Variants in INSYN1 observed in about 807,000 individuals in gnomAD.
The protein encoded by INSYN1 is inhibitory synaptic factor 1.
Under a neutral mutation model 17.1 loss-of-function variants are expected in INSYN1, and 7 were observed. The ratio of observed to expected loss-of-function variants is 0.41; its 90% CI spans 0.23 to 0.77. The LOEUF is 0.77. Among genes scored for constraint, INSYN1 ranks in the 30% least tolerant of loss-of-function variants. The pLI is 0.32. For synonymous variants in INSYN1, 174 were observed against 166.3 expected (o/e 1.05, Z -0.36); for missense variants, 339 against 400.6 (o/e 0.85, Z 1.31).
rs1008772958 is a variant in INSYN1, at chr15:73,737,825, G to A, written c.*2092C>T. ...CTCAGGCCCCCTCCGGACAGACGCT[G>A]GGGGGCTGTAAACCTGCCTTAATTG... On this transcript the variant is annotated 3_prime_UTR_variant, in exon 3 of 3. Coordinates refer to ENST00000569673, the MANE Select transcript of INSYN1 (RefSeq NM_001039614.3). 2.0e-5 allele frequency: 3 copies of A among 152,248 alleles called. No homozygotes were observed. Among genetic ancestry groups the A allele is most frequent in the African/African-American group, 7.2e-5 (3 of 41,458 alleles). The allele number at this position is 152,248 out of a possible 1,614,324, so 9.4% of individuals were successfully genotyped here.
In INSYN1 at chr15:73,735,472, A is replaced by ATTTGGG. The variant is rs1901498392; in HGVS notation, c.*4444_*4445insCCCAAA. Reference sequence around the variant, plus strand: ...GGGCTCGTTTATTCATTCAACAAACATTTATTGAACCCATAATCCATTTGG... The same window carrying ATTTGGG: ...GGGCTCGTTTATTCATTCAACAAACATTTGGGTTTATTGAACCCATAATCCATTTGG... On this transcript the variant is annotated 3_prime_UTR_variant, in exon 3 of 3. Transcript: ENST00000569673. The ATTTGGG allele has an allele frequency of 3.3e-5, 5 of 152,342 alleles. No homozygotes were observed. Among genetic ancestry groups the ATTTGGG allele is most frequent in the Admixed American group, 2.6e-4 (4 of 15,304 alleles). 9.4% of individuals were successfully genotyped at this position (152,342 alleles called of 1,614,324 possible).
At chr15:73,743,704 C>A (rs1901744976) in intron 2 of INSYN1, among the ~76,000 whole-genome samples, 1 of 150,956 alleles carries the variant, frequency 6.6e-6, no homozygotes. Context: ...GTGGTGCGTG[C>A]ATAGAGTCCC....
intron 2 of INSYN1, among the ~76,000 whole-genome samples, chr15:73,746,644 C>T (rs1054219135): frequency 6.6e-5 from 10 of 152,174 alleles, no homozygotes; most frequent in African/African-American, 1.4e-4. Flanking sequence ...TTGTGCCAAC[C>T]CCTCCATCTT....
rs372405493 is a variant in INSYN1 at position 73,736,075 on chromosome 15, C to G, written c.*3842G>C. ...GAAGCAGAGAGATCTGATGGAACATCCTGGGTAAAGAAACTCAAAAACTGG... is the reference window on the plus strand; with the variant it reads ...GAAGCAGAGAGATCTGATGGAACATGCTGGGTAAAGAAACTCAAAAACTGG... On this transcript the variant is annotated 3_prime_UTR_variant, in exon 3 of 3. Transcript: ENST00000569673. 5 of 152,500 alleles carry G rather than the reference C, an allele frequency of 3.3e-5. No individual in the cohort carries two copies. Among genetic ancestry groups the G allele is most frequent in the East Asian group, 1.9e-4 (1 of 5,190 alleles). The allele number at this position is 152,500 out of a possible 1,614,324, so 9.4% of individuals were successfully genotyped here.
chr15:73,737,881 G>C lies in INSYN1; in HGVS notation c.*2036C>G, dbSNP rs7174764. 10,720 of 152,322 alleles carry C rather than the reference G, an allele frequency of 0.07. 424 individuals carry two copies. The highest frequency in any genetic ancestry group is 0.1 in the East Asian group (525 of 5,184). The allele number at this position is 152,322 out of a possible 1,614,324, so 9.4% of individuals were successfully genotyped here. A position where few individuals can be genotyped will look rare whatever the true frequency, so the allele number is the denominator to read the frequency against. The stretch of plus-strand genomic sequence containing the variant: ...TGCAACAGGGAGGCCCCCAAGGAGC[G>C]ATGTCTTTGCTGTGCTGCCAGTCCC... On this transcript the variant is annotated 3_prime_UTR_variant, in exon 3 of 3. Coordinates refer to ENST00000569673, the MANE Select transcript of INSYN1 (RefSeq NM_001039614.3).
intron 2 of INSYN1, among the ~76,000 whole-genome samples, chr15:73,749,631 G>A (rs1291222547): frequency 1.3e-5 from 2 of 152,192 alleles, no homozygotes; most frequent in Non-Finnish European, 2.9e-5. Flanking sequence ...GTTTGGAGGA[G>A]GAAGCGTTCC....
rs1308421023 is a variant in INSYN1, at chr15:73,752,920, G to T, written c.-1378C>A. On this transcript the variant is annotated 5_prime_UTR_variant, in exon 1 of 3. Transcript: ENST00000569673. The surrounding 1 kb of genome is among the most constrained non-coding windows in gnomAD (Gnocchi z 5.2). ...GGGAGCAGCGCCGGGCGGAGGAGAG[G>T]AGAGGAGGCGAGAAGAGGCGAGGGG... Among the ~76,000 whole-genome samples, 1 of 149,690 alleles carries T rather than the reference G, an allele frequency of 6.7e-6. No individual in the cohort carries two copies. Among genetic ancestry groups the T allele is most frequent in the South Asian group, 2.1e-4 (1 of 4,776 alleles).
At position 73,751,373 on chromosome 15, in the gene INSYN1, C is replaced by T. The variant is rs1901980084; in HGVS notation, c.-243G>A. 3 of 537,540 alleles carry T rather than the reference C, an allele frequency of 5.6e-6. No homozygotes were observed. In the East Asian group the frequency reaches 9.8e-5, roughly 18 times the overall value. 33.3% of individuals were successfully genotyped at this position (537,540 alleles called of 1,614,324 possible). On this transcript the variant is annotated 5_prime_UTR_variant, in exon 2 of 3. Coordinates refer to ENST00000569673, the MANE Select transcript of INSYN1 (RefSeq NM_001039614.3). The stretch of plus-strand genomic sequence containing the variant: ...CTAGCAGAGGGGGTCAAGGTGAGGA[C>T]ACAGGAGAGGAGGGGGAGGGACCTT...
In INSYN1 at chr15:73,735,469, A is replaced by G. The variant is rs572947014; in HGVS notation, c.*4448T>C. 4.6e-5 allele frequency: 7 copies of G among 152,362 alleles called. No homozygotes were observed. The highest frequency in any genetic ancestry group is 1.7e-4 in the African/African-American group (7 of 41,590). The allele number at this position is 152,362 out of a possible 1,614,324, so 9.4% of individuals were successfully genotyped here. A position where few individuals can be genotyped will look rare whatever the true frequency, so the allele number is the denominator to read the frequency against. ...ATGGGGCTCGTTTATTCATTCAACA[A>G]ACATTTATTGAACCCATAATCCATT... On this transcript the variant is annotated 3_prime_UTR_variant, in exon 3 of 3. Transcript: ENST00000569673.
In INSYN1 at chr15:73,751,105, A is replaced by G; in HGVS notation, c.26T>C (p.Leu9Pro). 1.2e-6 allele frequency: 2 copies of G among 1,613,838 alleles called. No homozygotes were observed. Among genetic ancestry groups the G allele is most frequent in the Non-Finnish European group, 1.7e-6 (2 of 1,179,984 alleles). ...GCTGGGGTCGTCACTGGGCTGCCCG[A>G]GGTCCGGGGCGCCCCGAATGTTCAT... MNIRGAPD[L>P]GQPSDDPSSG... The change falls in exon 2 of 3, where the codon CTC becomes CCC. Residue 9 changes from leucine to proline, a missense_variant. Leu to Pro is a moderately conservative substitution (Grantham distance 98). Transcript: ENST00000569673.
rs180907808 is a variant in INSYN1, at chr15:73,739,865, A to T, written c.*52T>A. The T allele has an allele frequency of 0.013, 4,238 of 328,690 alleles. 114 individuals are homozygous for T. The highest frequency in any genetic ancestry group is 0.03 in the Middle Eastern group (26 of 866). The allele number at this position is 328,690 out of a possible 1,614,324, so 20.4% of individuals were successfully genotyped here. A position where few individuals can be genotyped will look rare whatever the true frequency, so the allele number is the denominator to read the frequency against. On this transcript the variant is annotated 3_prime_UTR_variant, in exon 3 of 3. Transcript: ENST00000569673. ...TATATATATATATATATATATATAT[A>T]TATTTATTTATAGCTCTATGTGCCC... is the stretch of plus-strand genomic sequence containing the variant.
chr15:73,740,171 C>T lies in INSYN1; in HGVS notation c.628G>A (p.Val210Met), dbSNP rs1356127982. The change falls in exon 3 of 3, where the codon GTG (valine) becomes ATG (methionine). Residue 210 changes from valine to methionine, a missense_variant. Transcript: ENST00000569673. ...GGCAAGCCCACTTCTTCCTCCTCCA[C>T]CTCCTGCTCACCGTCCCCCTCCTCA... The part of the protein sequence containing the change: ...DDEEGDGEQE[V>M]EEEEVGLPPE... 2 of 1,614,090 alleles carry T rather than the reference C, an allele frequency of 1.2e-6. No homozygotes were observed. Among genetic ancestry groups the T allele is most frequent in the Admixed American group, 3.3e-5 (2 of 60,020 alleles).
Position 73,753,267 on chromosome 15 carries a change from T to C in INSYN1, c.-1725A>G, listed in dbSNP as rs1252442088. On this transcript the variant is annotated 5_prime_UTR_variant, in exon 1 of 3. Transcript: ENST00000569673. The surrounding 1 kb of genome is among the most constrained non-coding windows in gnomAD (Gnocchi z 4.2). Reference sequence around the variant, plus strand: ...CCCGCCCCGCCGCCCCCCGCCGGACTGGCCGCCCGGGCGGGCGCTGGCTCC... The same window carrying C: ...CCCGCCCCGCCGCCCCCCGCCGGACCGGCCGCCCGGGCGGGCGCTGGCTCC... Among the ~76,000 whole-genome samples, 2 of 146,862 alleles carry C rather than the reference T, an allele frequency of 1.4e-5. No individual in the cohort carries two copies. The highest frequency in any genetic ancestry group is 3.0e-5 in the Non-Finnish European group (2 of 66,374).
At chr15:73,745,810 A>AAAAACAAAACAAAACAAAACAAAAC (rs10623860) in intron 2 of INSYN1, among the ~76,000 whole-genome samples, 9,498 of 149,770 alleles carry the variant, frequency 0.063, 425 homozygotes, top group Middle Eastern at 0.12. Context: ...CTCCGTCTCA[A>AAAAACAAAACAAAACAAAACAAAAC]AAAACAAAAC....
chr15:73,749,313 G>C (rs1437273582), intron 2 of INSYN1, among the ~76,000 whole-genome samples: 1 of 152,144 alleles, frequency 6.6e-6, no homozygotes, highest in Admixed American at 6.5e-5. Flanking sequence ...TGCTCTCTGG[G>C]CCTCAGTTTC....
rs184710574 is a variant in INSYN1, at chr15:73,737,532, G to A, written c.*2385C>T. On this transcript the variant is annotated 3_prime_UTR_variant, in exon 3 of 3. Transcript: ENST00000569673. ...GCTCAGACCCTTGGTTCTCAGACGT[G>A]AGCTGGGAAGAGCTGGCCATGGCCT... 1 of 152,276 alleles carries A rather than the reference G, an allele frequency of 6.6e-6. No individual in the cohort carries two copies. Among genetic ancestry groups the A allele is most frequent in the African/African-American group, 2.4e-5 (1 of 41,450 alleles). The allele number at this position is 152,276 out of a possible 1,614,324, so 9.4% of individuals were successfully genotyped here.
In INSYN1 at chr15:73,736,182, A is replaced by G. The variant is rs1250186770; in HGVS notation, c.*3735T>C. The G allele has an allele frequency of 1.3e-5, 2 of 152,298 alleles. No individual in the cohort carries two copies. The highest frequency in any genetic ancestry group is 4.8e-5 in the African/African-American group (2 of 41,460). The allele number at this position is 152,298 out of a possible 1,614,324, so 9.4% of individuals were successfully genotyped here. A position where few individuals can be genotyped will look rare whatever the true frequency, so the allele number is the denominator to read the frequency against. On this transcript the variant is annotated 3_prime_UTR_variant, in exon 3 of 3. Transcript: ENST00000569673. The stretch of plus-strand genomic sequence containing the variant: ...AAGGACCCAAGGGATGGCTGTGTCT[A>G]CCCCAAGGACAGGGAGCTCACTACC...
chr15:73,742,523 T>C (rs1901715091), intron 2 of INSYN1, among the ~76,000 whole-genome samples: 1 of 152,066 alleles, frequency 6.6e-6, no homozygotes, highest in African/African-American at 2.4e-5. Flanking sequence ...GAGATCATTA[T>C]CTCCTGTGTC....
chr15:73,746,594 G>C (rs1188180796), intron 2 of INSYN1, among the ~76,000 whole-genome samples: 1 of 152,186 alleles, frequency 6.6e-6, no homozygotes, highest in Admixed American at 6.5e-5. Flanking sequence ...AGGCAAATCC[G>C]GTGGGGGATC....
Sources: gnomAD v4.1 joint callset for allele counts (sites outside exome capture counted in the v4.1 genomes callset) on GRCh38, gnomAD v4.1.1 for gene constraint, Gnocchi (gnomAD v3.1) non-coding constraint, MANE v1.5 for transcripts, NCBI Gene and HGNC (gene_info 2026-07-23, HGNC 2026-07-21) for gene names.